FAM135B: variants seen among roughly 807,000 people sequenced by gnomAD.
The protein encoded by FAM135B is family with sequence similarity 135 member B, also known as protein FAM135B.
In FAM135B, 43 loss-of-function variants were observed where a neutral mutation model predicts 127.7. The ratio of observed to expected loss-of-function variants is 0.34; its 90% CI spans 0.26 to 0.43. The LOEUF is 0.43. Among genes scored for constraint, FAM135B ranks in the 20% least tolerant of loss-of-function variants. The pLI is 1.00. For missense variants in FAM135B, 1,558 were observed against 1,725.6 expected (o/e 0.90, Z 1.72); for synonymous variants, 670 against 665.1 (o/e 1.01, Z -0.11).
chr8:138,390,788 A>G (rs1237730028), intron 1 of FAM135B, among the ~76,000 whole-genome samples: 1 of 152,154 alleles, frequency 6.6e-6, no homozygotes, highest in Non-Finnish European at 1.5e-5. Context: ...AGCTCTAGAC[A>G]GGCCTTTTCC....
chr8:138,255,977 C>G (rs1234649493), intron 5 of FAM135B, among the ~76,000 whole-genome samples: 1 of 152,104 alleles, frequency 6.6e-6, no homozygotes, highest in African/African-American at 2.4e-5. Context: ...GTTTTCTACC[C>G]TAGGGAAGCC....
chr8:138,197,473 C>G (rs2131134840), intron 8 of FAM135B, 43 bp downstream of exon 8: 1 of 1,592,436 alleles, frequency 6.3e-7, no homozygotes, highest in South Asian at 1.1e-5. Flanking sequence ...GGAGGAGGCA[C>G]ATGAGCTGCT....
intron 3 of FAM135B, among the ~76,000 whole-genome samples, chr8:138,272,960 C>A (rs914277582): frequency 1.3e-5 from 2 of 152,182 alleles, no homozygotes; most frequent in Non-Finnish European, 2.9e-5. Context: ...GTTTCCTCAT[C>A]TGTGAACTGG....
chr8:138,316,653 G>C (rs919993926), intron 2 of FAM135B, among the ~76,000 whole-genome samples: 8 of 152,026 alleles, frequency 5.3e-5, no homozygotes, highest in African/African-American at 1.9e-4. Flanking sequence ...AAATGGAACA[G>C]CCACTCTGGA....
chr8:138,398,960 C>G (rs1832996075), intron 1 of FAM135B, among the ~76,000 whole-genome samples: 1 of 152,150 alleles, frequency 6.6e-6, no homozygotes, highest in South Asian at 2.1e-4. Context: ...GGACTTGAAT[C>G]CAGACCATTA....
At chr8:138,155,385 A>C (rs1435087708) in intron 12 of FAM135B, among the ~76,000 whole-genome samples, 2 of 152,242 alleles carry the variant, frequency 1.3e-5, no homozygotes, top group African/African-American at 2.4e-5. Flanking sequence ...AAGCTGCATC[A>C]ACTAACGAGC....
intron 13 of FAM135B, among the ~76,000 whole-genome samples, chr8:138,150,666 C>CAAGAAATA (rs386361029): frequency 2.2e-5 from 1 of 44,776 alleles, no homozygotes; most frequent in Non-Finnish European, 6.2e-5. Flanking sequence ...GACTCTGTCT[C>CAAGAAATA]AATAAATAAA....
At chr8:138,391,359 C>G (rs1161592462) in intron 1 of FAM135B, among the ~76,000 whole-genome samples, 1 of 151,870 alleles carries the variant, frequency 6.6e-6, no homozygotes, top group Admixed American at 6.6e-5. Context: ...AGCATGATCT[C>G]CCCTCAGTCC....
intron 1 of FAM135B, among the ~76,000 whole-genome samples, chr8:138,445,424 A>T (rs2131564620): frequency 6.6e-6 from 1 of 152,332 alleles, no homozygotes. Flanking sequence ...GGCAAACCAA[A>T]TCCAGCAGCA....
intron 1 of FAM135B, among the ~76,000 whole-genome samples, chr8:138,427,197 G>A (rs1057120207): frequency 6.6e-6 from 1 of 151,154 alleles, no homozygotes; most frequent in African/African-American, 2.4e-5. Context: ...GAGTTTTGGG[G>A]GTGTAGGTGA....
At chr8:138,357,809 A>C (rs1329769107) in intron 2 of FAM135B, among the ~76,000 whole-genome samples, 1 of 152,180 alleles carries the variant, frequency 6.6e-6, no homozygotes, top group Non-Finnish European at 1.5e-5. Flanking sequence ...GTGTCCCTAC[A>C]GCTATCATTT....
At chr8:138,171,634 C>T (rs746420109) in intron 11 of FAM135B, among the ~76,000 whole-genome samples, 2 of 152,188 alleles carry the variant, frequency 1.3e-5, no homozygotes, top group South Asian at 2.1e-4. Flanking sequence ...AACTAGGGAG[C>T]TCTGCAAGAG....
intron 5 of FAM135B, among the ~76,000 whole-genome samples, chr8:138,255,026 CTTTT>C (rs5895505): frequency 5.1e-5 from 6 of 118,686 alleles, no homozygotes; most frequent in Admixed American, 9.2e-5. Context: ...GAAATCTGAA[CTTTT>C]TTTTTTTTTT....
chr8:138,376,636 C>A (rs1587283263), intron 1 of FAM135B, among the ~76,000 whole-genome samples: 1 of 152,210 alleles, frequency 6.6e-6, no homozygotes, highest in East Asian at 1.9e-4. Flanking sequence ...TAATCTATTT[C>A]CTTTAGTTCC....
intron 2 of FAM135B, among the ~76,000 whole-genome samples, chr8:138,362,630 G>A (rs963979703): frequency 2.6e-5 from 4 of 152,148 alleles, no homozygotes; most frequent in Admixed American, 6.5e-5. Flanking sequence ...TGCCACAGAA[G>A]TTATAGAGAG....
rs1563734470 is a variant in FAM135B at position 138,178,689 on chromosome 8, A to T, written c.875T>A (p.Met292Lys). ...AGCGATCTTCTCTGGATTGTTCAAC[A>T]TCTGGAGAGGCAAAAAAGGTGGTAT... ...TLSQLCSELQ[M>K]LNNPEKIAEQ... Residue 292 changes from methionine (M) to lysine (K), a missense_variant and splice_region_variant, in exon 10 of 20, where the codon ATG becomes AAG. Physicochemically the swap from Met to Lys is moderately conservative, Grantham distance 95. Transcript: ENST00000395297. 4 of 1,604,752 alleles carry T rather than the reference A, an allele frequency of 2.5e-6. No homozygotes were observed. In the Admixed American group the frequency reaches 6.8e-5, roughly 27 times the overall value.
intron 1 of FAM135B, among the ~76,000 whole-genome samples, chr8:138,476,953 T>C (rs1017524141): frequency 6.6e-6 from 1 of 152,214 alleles, no homozygotes; most frequent in Non-Finnish European, 1.5e-5. Flanking sequence ...CTCCTATAGT[T>C]AGCATGAGAG....
At chr8:138,139,980 C>G (rs1259903054) in intron 17 of FAM135B, among the ~76,000 whole-genome samples, 1 of 152,184 alleles carries the variant, frequency 6.6e-6, no homozygotes, top group Non-Finnish European at 1.5e-5. Context: ...TATAAAATTA[C>G]TCTGGATATG....
chr8:138,217,220 A>G (rs1361860746), intron 7 of FAM135B, among the ~76,000 whole-genome samples: 1 of 152,178 alleles, frequency 6.6e-6, no homozygotes, highest in Non-Finnish European at 1.5e-5. Flanking sequence ...AATAGTAACT[A>G]AATGAAATAA....
Sources: allele counts gnomAD v4.1 joint callset (sites outside exome capture counted in the v4.1 genomes callset), GRCh38; gene constraint gnomAD v4.1.1; transcripts MANE v1.5; gene names NCBI Gene and HGNC (gene_info 2026-07-23, HGNC 2026-07-21).